Variants in ITSN1 observed in about 807,000 individuals in gnomAD.
ITSN1 encodes the protein intersectin-1.
A neutral mutation model predicts 239.8 loss-of-function variants in ITSN1; 58 were observed. The ratio of observed to expected loss-of-function variants is 0.24; its 90% CI spans 0.20 to 0.30. ITSN1 has a LOEUF of 0.30. ITSN1 is among the 10% of genes least tolerant of loss of function. The pLI is 1.00. For missense variants in ITSN1, 1,558 were observed against 2,103.3 expected, an observed-to-expected ratio of 0.74 and a Z score of 5.07; for synonymous variants, 780 against 770.8, an observed-to-expected ratio of 1.01 and a Z score of -0.20.
At chr21:33,733,897 T>A (rs1343031976) in intron 4 of ITSN1, among the ~76,000 whole-genome samples, 3 of 152,212 alleles carry the variant, frequency 2.0e-5, no homozygotes, top group African/African-American at 7.2e-5. Context: ...TCTTGATCAC[T>A]TTTAGAGATT....
chr21:33,839,330 G>T, intron 29 of ITSN1, among the ~76,000 whole-genome samples: 1 of 152,212 alleles, frequency 6.6e-6, no homozygotes, highest in East Asian at 1.9e-4. Context: ...AGACTGGCAG[G>T]GCCAGGGGAG....
At chr21:33,780,569 C>T (rs2070083395) in intron 14 of ITSN1, among the ~76,000 whole-genome samples, 1 of 152,174 alleles carries the variant, frequency 6.6e-6, no homozygotes, top group Admixed American at 6.5e-5. Context: ...ATTTATTCCA[C>T]ATAAGCCAGT....
chr21:33,829,769 A>T, intron 27 of ITSN1, 24 bp downstream of exon 27: 1 of 1,612,902 alleles, frequency 6.2e-7, no homozygotes, highest in Non-Finnish European at 8.5e-7. Flanking sequence ...TTGTTTATTT[A>T]CAATTCTCCA....
rs577140581 is a variant in ITSN1 at position 33,754,854 on chromosome 21, T to G, written c.624-443T>G. Among the ~76,000 whole-genome samples, 24 of 152,314 alleles carry G rather than the reference T, an allele frequency of 1.6e-4. 1 individual carries two copies. The South Asian group carries it at 5.0e-3, about 32-fold the overall frequency. On this transcript the variant is annotated intron_variant, in intron 7 of 39. Coordinates refer to ENST00000381318, the MANE Select transcript of ITSN1 (RefSeq NM_003024.3). The stretch of plus-strand genomic sequence containing the variant: ...GAAATGGGTCCTGTATATTCACGTA[T>G]AGAAAGTTAAAACATTTTGGAGAAT...
intron 1 of ITSN1, among the ~76,000 whole-genome samples, chr21:33,695,669 G>T (rs2091762437): frequency 6.6e-6 from 1 of 152,170 alleles, no homozygotes; most frequent in Non-Finnish European, 1.5e-5. Flanking sequence ...TATATTATGG[G>T]TAGAAGGTGA....
chr21:33,812,682 AGAGAT>A (rs1469560531), intron 21 of ITSN1, among the ~76,000 whole-genome samples: 5 of 152,026 alleles, frequency 3.3e-5, no homozygotes, highest in African/African-American at 1.2e-4. Context: ...AGTTTTTTGT[AGAGAT>A]GAGGTCTCAC....
intron 20 of ITSN1, among the ~76,000 whole-genome samples, chr21:33,806,392 A>C (rs966672316): frequency 1.9e-4 from 29 of 152,258 alleles, no homozygotes; most frequent in African/African-American, 6.5e-4. Context: ...ATCATGTTCT[A>C]TGAGGGGAAA....
intron 1 of ITSN1, among the ~76,000 whole-genome samples, chr21:33,718,187 T>G (rs943893353): frequency 3.3e-4 from 50 of 152,192 alleles, no homozygotes; most frequent in African/African-American, 1.1e-3. Context: ...GTAGAAGAGA[T>G]AAGACCTATA....
At chr21:33,801,015 C>T (rs1311962500) in intron 19 of ITSN1, among the ~76,000 whole-genome samples, 5 of 151,948 alleles carry the variant, frequency 3.3e-5, no homozygotes, top group South Asian at 2.1e-4. Flanking sequence ...GAACCACAGG[C>T]GTGCACCACC....
intron 24 of ITSN1, among the ~76,000 whole-genome samples, chr21:33,819,746 G>T (rs1212761267): frequency 1.3e-5 from 2 of 152,106 alleles, no homozygotes; most frequent in Non-Finnish European, 2.9e-5. Flanking sequence ...ACTTTGGGAG[G>T]CCGAGGCGGG....
chr21:33,876,394 C>T (rs896690203), intron 34 of ITSN1, among the ~76,000 whole-genome samples: 1 of 150,778 alleles, frequency 6.6e-6, no homozygotes, highest in Non-Finnish European at 1.5e-5. Context: ...CAGGATCTTG[C>T]TCTGTCACCC....
At chr21:33,808,881 C>T (rs2072677692) in intron 20 of ITSN1, among the ~76,000 whole-genome samples, 1 of 152,208 alleles carries the variant, frequency 6.6e-6, no homozygotes, top group Admixed American at 6.5e-5. Context: ...TCCTGCCTGA[C>T]ATCACCTTTG....
chr21:33,886,274 T>C lies in ITSN1; in HGVS notation c.4844-13T>C, dbSNP rs1480644489. 6.2e-7 allele frequency: 1 copy of C among 1,610,814 alleles called. No individual in the cohort carries two copies. Among genetic ancestry groups the C allele is most frequent in the Non-Finnish European group, 8.5e-7 (1 of 1,178,974 alleles). Reference sequence around the variant, plus strand: ...TGTGAGTTCCACCTGGCGAAGGCTTTTGTTCCCTCCAGGAAAGAGCAACCC... The same window carrying C: ...TGTGAGTTCCACCTGGCGAAGGCTTCTGTTCCCTCCAGGAAAGAGCAACCC... On this transcript the variant is annotated splice_polypyrimidine_tract_variant and intron_variant, in intron 38 of 39. Transcript: ENST00000381318.
chr21:33,717,325 T>C (rs2065209315), intron 1 of ITSN1, among the ~76,000 whole-genome samples: 1 of 151,942 alleles, frequency 6.6e-6, no homozygotes, highest in African/African-American at 2.4e-5. Flanking sequence ...GCCTCCTGAG[T>C]AGCTGGGACT....
intron 1 of ITSN1, among the ~76,000 whole-genome samples, chr21:33,703,520 G>A (rs964097003): frequency 6.6e-6 from 1 of 152,150 alleles, no homozygotes; most frequent in African/African-American, 2.4e-5. Context: ...TAAATAAGGA[G>A]TGTTTGTCTC....
rs1986207431 is a variant in ITSN1, at chr21:33,889,459, A to G, written c.*1159A>G. 1 of 152,178 alleles carries G rather than the reference A, an allele frequency of 6.6e-6. No homozygotes were observed. Among genetic ancestry groups the G allele is most frequent in the African/African-American group, 2.4e-5 (1 of 41,428 alleles). 9.4% of individuals were successfully genotyped at this position (152,178 alleles called of 1,614,324 possible). On this transcript the variant is annotated 3_prime_UTR_variant, in exon 40 of 40. Coordinates refer to ENST00000381318, the MANE Select transcript of ITSN1 (RefSeq NM_003024.3). ...CCCTCCACCACCCCAACCTCACATAATATGCTTGTTGCAAGAGTCAGGACT... is the reference window on the plus strand; with the variant it reads ...CCCTCCACCACCCCAACCTCACATAGTATGCTTGTTGCAAGAGTCAGGACT...
intron 16 of ITSN1, among the ~76,000 whole-genome samples, chr21:33,790,383 TTAA>T (rs1025244685): frequency 9.2e-5 from 14 of 152,014 alleles, no homozygotes; most frequent in Non-Finnish European, 1.3e-4. Context: ...TCTTGACTAC[TTAA>T]TAATTTCTTA....
intron 9 of ITSN1, among the ~76,000 whole-genome samples, chr21:33,765,432 T>TG: frequency 6.6e-6 from 1 of 152,186 alleles, no homozygotes. Flanking sequence ...GGAAAGGCTG[T>TG]GGTGAACTAT....
Position 33,688,568 on chromosome 21 carries a change from G to T in ITSN1, c.-32-30229G>T, listed in dbSNP as rs2091358730. 3.3e-5 allele frequency among the ~76,000 whole-genome samples: 5 copies of T among 152,146 alleles called. No individual in the cohort carries two copies. The South Asian group carries it at 1.0e-3, about 32-fold the overall frequency. On this transcript the variant is annotated intron_variant, in intron 1 of 39. Coordinates refer to ENST00000381318, the MANE Select transcript of ITSN1 (RefSeq NM_003024.3). ...GCTGGGAATGCAGTTCTTGCTCTCA[G>T]GGGAATGTAGTCTTGTCTGAGAAAC...
Sources: allele counts gnomAD v4.1 joint callset (sites outside exome capture counted in the v4.1 genomes callset), GRCh38; gene constraint gnomAD v4.1.1; transcripts MANE v1.5; gene names NCBI Gene and HGNC (gene_info 2026-07-23, HGNC 2026-07-21).